Variants in NRXN3 observed in about 807,000 individuals in gnomAD.
NRXN3 encodes neurexin III.
Under a neutral mutation model 137.6 loss-of-function variants are expected in NRXN3, and 32 were observed. The observed-to-expected ratio is 0.23, with a 90% CI of 0.18 to 0.31. The LOEUF (loss-of-function observed/expected upper bound fraction) is 0.31, where lower values mean the gene tolerates loss of function less well. NRXN3 is among the 10% of genes least tolerant of loss of function. NRXN3 has a pLI of 1.00. For missense variants in NRXN3, 1,574 were observed against 2,062.5 expected (o/e 0.76, Z 4.59); for synonymous variants, 798 against 784.5 (o/e 1.02, Z -0.29).
intron 4 of NRXN3, among the ~76,000 whole-genome samples, chr14:78,449,718 T>G (rs2094506194): frequency 6.6e-6 from 1 of 152,216 alleles, no homozygotes; most frequent in African/African-American, 2.4e-5. Flanking sequence ...AGTAAGTGAT[T>G]TTCTCAGAAA....
At chr14:79,466,334 T>A (rs1008355434) in intron 15 of NRXN3, among the ~76,000 whole-genome samples, 3 of 152,200 alleles carry the variant, frequency 2.0e-5, no homozygotes, top group African/African-American at 7.2e-5. Context: ...ACGCCTGTAA[T>A]CTCAGCACTT....
intron 16 of NRXN3, among the ~76,000 whole-genome samples, chr14:79,574,054 CAT>C (rs1217264440): frequency 6.6e-6 from 1 of 151,822 alleles, no homozygotes; most frequent in African/African-American, 2.4e-5. Flanking sequence ...TAAGGAAAAA[CAT>C]AAAAGCAATC....
chr14:79,713,845 G>C (rs192942003), intron 19 of NRXN3, among the ~76,000 whole-genome samples: 1 of 151,460 alleles, frequency 6.6e-6, no homozygotes, highest in Non-Finnish European at 1.5e-5. Context: ...CCAGAAATGA[G>C]CATAAGCTCA....
chr14:78,634,006 C>T (rs2097545670), intron 4 of NRXN3, among the ~76,000 whole-genome samples: 1 of 152,164 alleles, frequency 6.6e-6, no homozygotes, highest in Non-Finnish European at 1.5e-5. Context: ...TCAGGCTTCT[C>T]AATGGGGATT....
At chr14:78,444,331 G>A (rs1044807196) in intron 4 of NRXN3, among the ~76,000 whole-genome samples, 1 of 152,154 alleles carries the variant, frequency 6.6e-6, no homozygotes, top group Non-Finnish European at 1.5e-5. Context: ...AGGGTTCCTG[G>A]CCCCAGGGTG....
chr14:79,499,956 CGTGTGTGTGTGTGTGTGTGTGT>C (rs35371414), intron 16 of NRXN3, among the ~76,000 whole-genome samples: 1 of 145,140 alleles, frequency 6.9e-6, no homozygotes, highest in Non-Finnish European at 1.5e-5. Flanking sequence ...ATCTTAGGGT[CGTGTGTGTGTGTGTGTGTGTGT>C]GTGTGTGTGT....
intron 4 of NRXN3, among the ~76,000 whole-genome samples, chr14:78,426,755 G>A (rs2093680334): frequency 6.6e-6 from 1 of 152,134 alleles, no homozygotes; most frequent in South Asian, 2.1e-4. Context: ...TGCTTCAGGG[G>A]AAGGTCAGAA....
At chr14:78,526,304 T>A (rs2096378036) in intron 4 of NRXN3, among the ~76,000 whole-genome samples, 1 of 152,158 alleles carries the variant, frequency 6.6e-6, no homozygotes, top group Admixed American at 6.5e-5. Flanking sequence ...TAGTCTGAAA[T>A]CTCTCTCTCT....
chr14:78,429,814 T>C (rs2093806444), intron 4 of NRXN3, among the ~76,000 whole-genome samples: 1 of 152,226 alleles, frequency 6.6e-6, no homozygotes, highest in Admixed American at 6.5e-5. Flanking sequence ...AAATATGTGT[T>C]AGTATTATTA....
At chr14:79,402,470 A>G (rs1200432033) in intron 15 of NRXN3, among the ~76,000 whole-genome samples, 1 of 152,198 alleles carries the variant, frequency 6.6e-6, no homozygotes, top group African/African-American at 2.4e-5. Flanking sequence ...TATATTTTCT[A>G]TGAGACTGTA....
chr14:78,437,352 T>C (rs549238178), intron 4 of NRXN3, among the ~76,000 whole-genome samples: 7 of 151,242 alleles, frequency 4.6e-5, no homozygotes, highest in African/African-American at 1.7e-4. Flanking sequence ...TTTTTCTTTT[T>C]TTTTTTTTAT....
At chr14:79,204,848 G>A (rs1252181102) in intron 15 of NRXN3, among the ~76,000 whole-genome samples, 2 of 152,106 alleles carry the variant, frequency 1.3e-5, no homozygotes, top group Non-Finnish European at 2.9e-5. Flanking sequence ...ACTGCTTTTT[G>A]GACAGTACTG....
At chr14:79,248,954 G>C (rs146639621) in intron 15 of NRXN3, 2 of 152,302 alleles carry the variant, frequency 1.3e-5, no homozygotes, top group African/African-American at 4.8e-5. Flanking sequence ...GGTTGAGCTG[G>C]TGACAGCTGG....
intron 15 of NRXN3, among the ~76,000 whole-genome samples, chr14:79,400,966 C>T (rs1006070572): frequency 6.6e-6 from 1 of 152,136 alleles, no homozygotes; most frequent in African/African-American, 2.4e-5. Flanking sequence ...GACTCTGAGT[C>T]ACCCATTGGA....
chr14:79,214,154 C>T (rs1186641484), intron 15 of NRXN3, among the ~76,000 whole-genome samples: 4 of 152,154 alleles, frequency 2.6e-5, no homozygotes, highest in Non-Finnish European at 4.4e-5. Context: ...GAAAGTAATG[C>T]ATGCATTGCC....
rs2098453830 is a variant in NRXN3 at position 79,646,490 on chromosome 14, G to C, written c.3445-17288G>C. On this transcript the variant is annotated intron_variant, in intron 16 of 20. Transcript: ENST00000335750. ...AAACCATCAGCTGCATGATGCTAAG[G>C]CTTTCAGCAGTCAGCAGAAGCAGTG... 1.5e-5 allele frequency among the ~76,000 whole-genome samples: 2 copies of C among 135,714 alleles called. 1 individual carries two copies. Among genetic ancestry groups the C allele is most frequent in the African/African-American group, 4.9e-5 (2 of 40,728 alleles). The allele number at this position is 135,714 out of a possible 152,430, so 89.0% of individuals were successfully genotyped here.
chr14:79,715,401 T>TA (rs1166607960), intron 19 of NRXN3, among the ~76,000 whole-genome samples: 1 of 152,200 alleles, frequency 6.6e-6, no homozygotes, highest in African/African-American at 2.4e-5. Context: ...ATTTTTCCTC[T>TA]AAAAGACTGT....
intron 15 of NRXN3, among the ~76,000 whole-genome samples, chr14:79,307,524 G>A (rs536487239): frequency 1.2e-4 from 18 of 152,090 alleles, no homozygotes; most frequent in African/African-American, 4.3e-4. Flanking sequence ...AAAAATTCAG[G>A]AGCAGCCTAG....
intron 15 of NRXN3, among the ~76,000 whole-genome samples, chr14:79,356,416 CT>C (rs1222019658): frequency 6.6e-6 from 1 of 152,192 alleles, no homozygotes; most frequent in African/African-American, 2.4e-5. Context: ...GCACAACTTT[CT>C]CCCAGCTCCT....
Sources: allele counts gnomAD v4.1 joint callset (sites outside exome capture counted in the v4.1 genomes callset), GRCh38; gene constraint gnomAD v4.1.1; transcripts MANE v1.5; gene names NCBI Gene and HGNC (gene_info 2026-07-23, HGNC 2026-07-21).